The following BBS9 variants were observed in gnomAD, a reference collection of about 807,000 sequenced individuals.
BBS9 encodes the protein protein PTHB1.
In BBS9, 89 loss-of-function variants were observed where a neutral mutation model predicts 117.7. The observed-to-expected ratio is 0.76, with a 90% CI of 0.64 to 0.90. The LOEUF (loss-of-function observed/expected upper bound fraction) is 0.90, where lower values mean the gene tolerates loss of function less well. Ranked by LOEUF, BBS9 falls within the 40% of genes least tolerant of loss-of-function variation. The pLI is 0.00. For missense variants in BBS9, 982 were observed against 1,042.2 expected (o/e 0.94, Z 0.80); for synonymous variants, 379 against 370.9 (o/e 1.02, Z -0.25).
intron 19 of BBS9, among the ~76,000 whole-genome samples, chr7:33,404,224 C>T (rs1420708798): frequency 1.3e-5 from 2 of 152,040 alleles, no homozygotes; most frequent in Non-Finnish European, 2.9e-5. Flanking sequence ...GGTACCAGTA[C>T]CATGCTGTTT....
At chr7:33,274,081 CAAT>C in intron 9 of BBS9, 125 bp downstream of exon 9, 1 of 980,394 alleles carries the variant, frequency 1.0e-6, no homozygotes, top group East Asian at 2.7e-5. Context: ...GTATGAATGT[CAAT>C]AATAAAAGTA....
At chr7:33,623,149 T>C (rs982879729) in intron 21 of BBS9, among the ~76,000 whole-genome samples, 1 of 152,136 alleles carries the variant, frequency 6.6e-6, no homozygotes, top group African/African-American at 2.4e-5. Flanking sequence ...CCAGTGCATA[T>C]AACTGGCAAA....
At chr7:33,481,955 A>T (rs998285875) in intron 19 of BBS9, among the ~76,000 whole-genome samples, 1 of 152,194 alleles carries the variant, frequency 6.6e-6, no homozygotes, top group Non-Finnish European at 1.5e-5. Context: ...GACGTTTTTC[A>T]TGGGAAAATT....
At position 33,605,614 on chromosome 7, in the gene BBS9, G is replaced by A. The variant is rs1230365178; in HGVS notation, c.*388G>A. The A allele has an allele frequency of 4.3e-6, 1 of 235,152 alleles. No homozygotes were observed. Among genetic ancestry groups the A allele is most frequent in the African/African-American group, 2.3e-5 (1 of 43,950 alleles). 14.6% of individuals were successfully genotyped at this position (235,152 alleles called of 1,614,324 possible). A position where few individuals can be genotyped will look rare whatever the true frequency, so the allele number is the denominator to read the frequency against. ...TAGTAAATGTATCAAGTTTAATAAAGCATCTCATTGTCAAATAATATCTTG... is the reference window on the plus strand; with the variant it reads ...TAGTAAATGTATCAAGTTTAATAAAACATCTCATTGTCAAATAATATCTTG... On this transcript the variant is annotated 3_prime_UTR_variant, in exon 23 of 23. Coordinates refer to ENST00000242067, the MANE Select transcript of BBS9 (RefSeq NM_198428.3).
At chr7:33,291,052 T>C (rs1291239772) in intron 9 of BBS9, among the ~76,000 whole-genome samples, 1 of 152,154 alleles carries the variant, frequency 6.6e-6, no homozygotes, top group Non-Finnish European at 1.5e-5. Flanking sequence ...TCTCCTTAAA[T>C]AATATGAAAT....
At chr7:33,479,779 T>G (rs1842282280) in intron 19 of BBS9, among the ~76,000 whole-genome samples, 1 of 152,148 alleles carries the variant, frequency 6.6e-6, no homozygotes, top group Admixed American at 6.5e-5. Context: ...TTCTGACTGG[T>G]GTGACATGGT....
intron 19 of BBS9, among the ~76,000 whole-genome samples, chr7:33,479,569 A>T (rs1220525574): frequency 1.3e-5 from 2 of 152,144 alleles, no homozygotes; most frequent in Non-Finnish European, 2.9e-5. Context: ...ATTGCAGTGA[A>T]TATATGGGTA....
chr7:33,189,202 A>G (rs1435515029), intron 5 of BBS9, among the ~76,000 whole-genome samples: 1 of 151,494 alleles, frequency 6.6e-6, no homozygotes, highest in African/African-American at 2.4e-5. Context: ...TTTTTTTTGT[A>G]GTGACGGGGT....
chr7:33,356,837 C>T (rs1421192755), intron 15 of BBS9, among the ~76,000 whole-genome samples: 1 of 151,792 alleles, frequency 6.6e-6, no homozygotes, highest in African/African-American at 2.4e-5. Flanking sequence ...CTCCCTGACT[C>T]CTCTATAAAG....
chr7:33,243,784 A>G (rs778913049), intron 5 of BBS9, among the ~76,000 whole-genome samples: 1 of 152,210 alleles, frequency 6.6e-6, no homozygotes, highest in African/African-American at 2.4e-5. Flanking sequence ...TAATGGACGA[A>G]AAAGAGCTAA....
At chr7:33,360,715 GGGTCCC>G (rs151285586) in intron 16 of BBS9, among the ~76,000 whole-genome samples, 2,970 of 151,972 alleles carry the variant, frequency 0.02, 103 homozygotes, top group African/African-American at 0.067. Flanking sequence ...TGTAGAGATA[GGGTCCC>G]ACTGTGTTGC....
In BBS9 at chr7:33,152,933, A is replaced by G. The variant is rs1793573626; in HGVS notation, c.263+82A>G. The stretch of plus-strand genomic sequence containing the variant: ...GTCACTTTTGTGTATTCTTCAAAGA[A>G]GACTATCCATGAATTAAATATATTT... On this transcript the variant is annotated intron_variant, in intron 3 of 22. Transcript: ENST00000242067. The G allele has an allele frequency of 2.8e-6, 4 of 1,441,590 alleles. No homozygotes were observed. The East Asian group carries it at 9.1e-5, about 33-fold the overall frequency. The allele number at this position is 1,441,590 out of a possible 1,614,324, so 89.3% of individuals were successfully genotyped here.
intron 11 of BBS9, 24 bp from the exon 12 acceptor site, chr7:33,344,557 G>C: frequency 6.2e-7 from 1 of 1,611,626 alleles, no homozygotes; most frequent in South Asian, 1.1e-5. Context: ...ATTCTTTCTT[G>C]CCTTCTCAAT....
chr7:33,259,330 C>G (rs1484838259), intron 6 of BBS9, among the ~76,000 whole-genome samples: 1 of 152,138 alleles, frequency 6.6e-6, no homozygotes, highest in African/African-American at 2.4e-5. Flanking sequence ...GGATCTCAAA[C>G]TTCAGTGTAC....
At chr7:33,265,434 A>G (rs1263629091) in intron 7 of BBS9, among the ~76,000 whole-genome samples, 1 of 152,236 alleles carries the variant, frequency 6.6e-6, no homozygotes, top group Admixed American at 6.5e-5. Context: ...TAAAGCACAG[A>G]TTGAAGTCAA....
intron 19 of BBS9, among the ~76,000 whole-genome samples, chr7:33,454,100 G>A (rs1381661131): frequency 1.3e-5 from 2 of 152,232 alleles, no homozygotes; most frequent in Admixed American, 1.3e-4. Flanking sequence ...TTCCCTGGGG[G>A]TGAGTGCTGC....
chr7:33,536,017 G>C (rs182006049), intron 21 of BBS9, among the ~76,000 whole-genome samples: 1 of 152,128 alleles, frequency 6.6e-6, no homozygotes, highest in East Asian at 1.9e-4. Context: ...CTAGGATGTG[G>C]AACATTTTAA....
chr7:33,432,732 G>T (rs1834704178), intron 19 of BBS9, among the ~76,000 whole-genome samples: 1 of 151,732 alleles, frequency 6.6e-6, no homozygotes, highest in South Asian at 2.1e-4. Flanking sequence ...TAGGCCTATA[G>T]AAGAGTTATT....
At chr7:33,556,892 A>T (rs1855377319) in intron 21 of BBS9, among the ~76,000 whole-genome samples, 1 of 152,224 alleles carries the variant, frequency 6.6e-6, no homozygotes, top group Non-Finnish European at 1.5e-5. Context: ...AAGAAGTACA[A>T]GCCTGTCTAC....
Sources: allele counts gnomAD v4.1 joint callset (sites outside exome capture counted in the v4.1 genomes callset), GRCh38; gene constraint gnomAD v4.1.1; transcripts MANE v1.5; gene names NCBI Gene and HGNC (gene_info 2026-07-23, HGNC 2026-07-21).